The following VPS4A variants were observed in gnomAD, a reference collection of about 807,000 sequenced individuals.
The protein encoded by VPS4A is vacuolar protein sorting 4 homolog A.
Under a neutral mutation model 52.3 loss-of-function variants are expected in VPS4A, and 20 were observed. That is an observed-to-expected ratio of 0.38 (90% CI 0.27 to 0.56). The LOEUF (loss-of-function observed/expected upper bound fraction) is 0.56, where lower values mean the gene tolerates loss of function less well. VPS4A is among the 20% of genes least tolerant of loss of function. VPS4A has a pLI of 0.72. For missense variants in VPS4A, 419 were observed against 575.9 expected (o/e 0.73, Z 2.79); for synonymous variants, 293 against 227.7 (o/e 1.29, Z -2.58).
Position 69,318,660 on chromosome 16 carries a change from G to T in VPS4A, c.292G>T (p.Asp98Tyr). Residue 98 changes from aspartate (D) to tyrosine (Y), a missense_variant, in exon 4 of 11, where the codon GAC becomes TAC. Asp to Tyr is a radical substitution (Grantham distance 160). Around this residue, in one of 3 missense-constraint regions of VPS4A, gnomAD observed 131 missense variants for 165.4 expected, o/e 0.79. Transcript: ENST00000254950. ...CGTCTCCCTTCCCAGCAGTGACAGTGACAGTGAAGGGGATAATCCGGAGAA... is the reference window on the plus strand; with the variant it reads ...CGTCTCCCTTCCCAGCAGTGACAGTTACAGTGAAGGGGATAATCCGGAGAA... ...NQSEGKGSDS[D>Y]SEGDNPEKKK... 1 of 1,610,942 alleles carries T rather than the reference G, an allele frequency of 6.2e-7. No homozygotes were observed. The highest frequency in any genetic ancestry group is 1.1e-5 in the South Asian group (1 of 90,798).
Position 69,320,620 on chromosome 16 carries a change from T to C in VPS4A, c.770-68T>C. ...GCTGACACACAAAGCCCCCGGGGTCTGTCCCCAGGTTTCAACTGACCCGTG... is the reference window on the plus strand; with the variant it reads ...GCTGACACACAAAGCCCCCGGGGTCCGTCCCCAGGTTTCAACTGACCCGTG... On this transcript the variant is annotated intron_variant, in intron 7 of 10. Coordinates refer to ENST00000254950, the MANE Select transcript of VPS4A (RefSeq NM_013245.3). This position sits in a 1 kb window ranked among gnomAD's most constrained non-coding sequence, Gnocchi z 4.2. The C allele has an allele frequency of 7.2e-7, 1 of 1,382,212 alleles. No individual in the cohort carries two copies. 85.6% of individuals were successfully genotyped at this position (1,382,212 alleles called of 1,614,324 possible). A position where few individuals can be genotyped will look rare whatever the true frequency, so the allele number is the denominator to read the frequency against.
At chr16:69,318,760 CG>C in intron 4 of VPS4A, 49 bp downstream of exon 4, 1 of 1,613,054 alleles carries the variant, frequency 6.2e-7, no homozygotes, top group African/African-American at 1.3e-5. Context: ...AGAGTGGGTC[CG>C]CTGCTGGGTT....
chr16:69,318,071 G>A (rs1262069886), intron 3 of VPS4A, among the ~76,000 whole-genome samples: 7 of 149,084 alleles, frequency 4.7e-5, no homozygotes, highest in Admixed American at 6.7e-5. Context: ...GCAGTGGTGC[G>A]ATCTTGGTTA....
Position 69,318,818 on chromosome 16 carries a change from C to T in VPS4A, c.344-5C>T, listed in dbSNP as rs369970450. The T allele has an allele frequency of 2.2e-5, 35 of 1,612,730 alleles. No homozygotes were observed. The highest frequency in any genetic ancestry group is 1.5e-4 in the Admixed American group (9 of 59,946). On this transcript the variant is annotated splice_region_variant and splice_polypyrimidine_tract_variant and intron_variant, in intron 4 of 10. Coordinates refer to ENST00000254950, the MANE Select transcript of VPS4A (RefSeq NM_013245.3). ...CCCGGGCCCGGGCCGGCCTCCCTCT[C>T]GCAGGTGCCGTCGTGATGGAGAAGC... is the stretch of plus-strand genomic sequence containing the variant.
intron 1 of VPS4A, among the ~76,000 whole-genome samples, chr16:69,314,166 T>C (rs910037491): frequency 6.6e-6 from 1 of 151,854 alleles, no homozygotes; most frequent in African/African-American, 2.4e-5. Context: ...GGTGCTTCAC[T>C]GTGTTAGCCA....
chr16:69,323,727 A>G (rs1184264934), intron 10 of VPS4A: 5 of 451,564 alleles, frequency 1.1e-5, no homozygotes, highest in Non-Finnish European at 2.2e-5. Context: ...AGGCGGGCAG[A>G]TCGCCTGAGG....
intron 6 of VPS4A, among the ~76,000 whole-genome samples, chr16:69,319,912 C>T (rs950180391): frequency 2.0e-4 from 31 of 152,180 alleles, no homozygotes; most frequent in Non-Finnish European, 2.9e-4. Flanking sequence ...GCAGAGCTAG[C>T]GCATGGGGCT....
At chr16:69,322,830 G>A (rs570005609) in intron 10 of VPS4A, 130 bp downstream of exon 10, 1 of 1,239,148 alleles carries the variant, frequency 8.1e-7, no homozygotes, top group East Asian at 2.5e-5. Flanking sequence ...AGCACTTTGG[G>A]AGGCCAGGGT....
chr16:69,317,998 T>G (rs985644193), intron 3 of VPS4A, among the ~76,000 whole-genome samples: 2 of 129,486 alleles, frequency 1.5e-5, no homozygotes, highest in African/African-American at 5.9e-5. Flanking sequence ...AGCTGCATTG[T>G]TTGACTGGCT....
chr16:69,324,088 C>T, intron 10 of VPS4A, 120 bp from the exon 11 acceptor site: 6 of 940,190 alleles, frequency 6.4e-6, no homozygotes, highest in Non-Finnish European at 9.7e-6. Context: ...TCAAGCAGGC[C>T]TCTGGGGTGG....
rs16958754 is a variant in VPS4A at position 69,324,611 on chromosome 16, C to T, written c.*302C>T. The T allele has an allele frequency of 0.01, 3,391 of 332,848 alleles. 97 individuals are homozygous for T. The highest frequency in any genetic ancestry group is 0.063 in the African/African-American group (3,059 of 48,228). 20.6% of individuals were successfully genotyped at this position (332,848 alleles called of 1,614,324 possible). A position where few individuals can be genotyped will look rare whatever the true frequency, so the allele number is the denominator to read the frequency against. ...CTTTTGTTCCCCTAAATTAATGCTG[C>T]TTGGATTTTCATCTTATTTATAAAG... On this transcript the variant is annotated 3_prime_UTR_variant, in exon 11 of 11. Coordinates refer to ENST00000254950, the MANE Select transcript of VPS4A (RefSeq NM_013245.3).
chr16:69,313,107 TA>T (rs1965397239), intron 1 of VPS4A, among the ~76,000 whole-genome samples: 1 of 151,954 alleles, frequency 6.6e-6, no homozygotes, highest in South Asian at 2.1e-4. Flanking sequence ...GCCTCCCAAG[TA>T]GCTGGGATTA....
At chr16:69,317,920 T>C (rs1357076152) in intron 3 of VPS4A, among the ~76,000 whole-genome samples, 4 of 148,506 alleles carry the variant, frequency 2.7e-5, no homozygotes, top group Non-Finnish European at 4.4e-5. Flanking sequence ...GAGATGGAGA[T>C]TGTGCCATCG....
intron 1 of VPS4A, among the ~76,000 whole-genome samples, chr16:69,311,963 G>C (rs1425290816): frequency 6.6e-6 from 1 of 152,204 alleles, no homozygotes; most frequent in African/African-American, 2.4e-5. Context: ...ACAAGCCCCG[G>C]CCCCTTCCCC....
chr16:69,312,271 T>C (rs1965386982), intron 1 of VPS4A, among the ~76,000 whole-genome samples: 2 of 152,210 alleles, frequency 1.3e-5, no homozygotes, highest in South Asian at 4.1e-4. Context: ...TAGCTTTAAA[T>C]TGAATAATTA....
rs886281003 is a variant in VPS4A, at chr16:69,324,097, G to A, written c.1213-111G>A. On this transcript the variant is annotated intron_variant, in intron 10 of 10. Coordinates refer to ENST00000254950, the MANE Select transcript of VPS4A (RefSeq NM_013245.3). ...GCAGATTCAAGCAGGCCTCTGGGGT[G>A]GCCTTGAAGGCAAACCTCTTCCCAC... 8.8e-6 allele frequency: 9 copies of A among 1,021,476 alleles called. No individual in the cohort carries two copies. In the African/African-American group the frequency reaches 9.5e-5, roughly 11 times the overall value. The allele number at this position is 1,021,476 out of a possible 1,614,324, so 63.3% of individuals were successfully genotyped here. A position where few individuals can be genotyped will look rare whatever the true frequency, so the allele number is the denominator to read the frequency against.
Position 69,320,642 on chromosome 16 carries a change from C to A in VPS4A, c.770-46C>A. Reference sequence around the variant, plus strand: ...GTCTGTCCCCAGGTTTCAACTGACCCGTGCAGGTGTCCAGAGTCTGAGTCT... The same window carrying A: ...GTCTGTCCCCAGGTTTCAACTGACCAGTGCAGGTGTCCAGAGTCTGAGTCT... On this transcript the variant is annotated intron_variant, in intron 7 of 10. Transcript: ENST00000254950. The surrounding 1 kb of genome is among the most constrained non-coding windows in gnomAD (Gnocchi z 4.2). 6.6e-7 allele frequency: 1 copy of A among 1,525,240 alleles called. No individual in the cohort carries two copies. The highest frequency in any genetic ancestry group is 2.4e-5 in the East Asian group (1 of 41,672). The allele number at this position is 1,525,240 out of a possible 1,614,324, so 94.5% of individuals were successfully genotyped here. A position where few individuals can be genotyped will look rare whatever the true frequency, so the allele number is the denominator to read the frequency against.
intron 1 of VPS4A, among the ~76,000 whole-genome samples, chr16:69,311,783 G>A (rs543791243): frequency 2.0e-5 from 3 of 152,352 alleles, no homozygotes; most frequent in Non-Finnish European, 2.9e-5. Flanking sequence ...TGTAGCCGGC[G>A]CCCCGGTACC....
In VPS4A at chr16:69,324,340, G is replaced by C. The variant is rs760392264; in HGVS notation, c.*31G>C. ...GCTTCACTTGGGCAATGGTGAAGGT[G>C]GGAGGTTGATTGGGGCAAATCCAGG... On this transcript the variant is annotated 3_prime_UTR_variant, in exon 11 of 11. Transcript: ENST00000254950. 1.9e-6 allele frequency: 3 copies of C among 1,607,388 alleles called. No homozygotes were observed. Among genetic ancestry groups the C allele is most frequent in the Non-Finnish European group, 2.6e-6 (3 of 1,176,370 alleles).
Sources: gnomAD v4.1 joint callset for allele counts (sites outside exome capture counted in the v4.1 genomes callset) on GRCh38, gnomAD v4.1.1 for gene constraint, gnomAD v4.1.1 regional missense constraint, Gnocchi (gnomAD v3.1) non-coding constraint, MANE v1.5 for transcripts, NCBI Gene and HGNC (gene_info 2026-07-23, HGNC 2026-07-21) for gene names.